Variants in NBAS observed in about 807,000 individuals in gnomAD.
NBAS encodes the protein NAG/BC035112 fusion.
In NBAS, 219 loss-of-function variants were observed where a neutral mutation model predicts 302.5. That is an observed-to-expected ratio of 0.72 (90% CI 0.65 to 0.81). The LOEUF is 0.81. Among genes scored for constraint, NBAS ranks in the 30% least tolerant of loss-of-function variants. The pLI, the probability that NBAS is intolerant of heterozygous loss-of-function variation, is 0.00. For missense variants in NBAS, 2,932 were observed against 2,841.6 expected, an observed-to-expected ratio of 1.03 and a Z score of -0.72; for synonymous variants, 1,118 against 1,021.6, an observed-to-expected ratio of 1.09 and a Z score of -1.80.
chr2:15,476,461 G>A (rs551209763), intron 13 of NBAS, among the ~76,000 whole-genome samples: 323 of 152,180 alleles, frequency 2.1e-3, no homozygotes, highest in Non-Finnish European at 4.0e-3. Context: ...AGTGGTTCAC[G>A]CCTGTAATCC....
At chr2:15,056,027 T>A in the NBAS span, among the ~76,000 whole-genome samples, 2 of 151,966 alleles carry the variant, frequency 1.3e-5, no homozygotes, top group East Asian at 3.9e-4. Context: ...TCAGTCCCTC[T>A]GAATATAATA....
At chr2:15,411,830 A>G (rs1676701783) in intron 25 of NBAS, among the ~76,000 whole-genome samples, 1 of 152,200 alleles carries the variant, frequency 6.6e-6, no homozygotes, top group Admixed American at 6.5e-5. Context: ...CTAAGAAAAA[A>G]TGCACATGGT....
chr2:15,065,918 T>C, the NBAS span, among the ~76,000 whole-genome samples: 1 of 152,094 alleles, frequency 6.6e-6, no homozygotes, highest in Non-Finnish European at 1.5e-5. Context: ...ACAAAATCCC[T>C]GAGTAGCCAA....
the NBAS span, among the ~76,000 whole-genome samples, chr2:14,973,292 A>G: frequency 6.6e-6 from 1 of 152,234 alleles, no homozygotes; most frequent in Non-Finnish European, 1.5e-5. Flanking sequence ...GCTGTATCAG[A>G]TAGACCTTTG....
the NBAS span, among the ~76,000 whole-genome samples, chr2:14,797,568 T>G: frequency 6.6e-6 from 1 of 152,308 alleles, no homozygotes; most frequent in Non-Finnish European, 1.5e-5. Flanking sequence ...TAGGTGCCAC[T>G]GCATCCCCCT....
the NBAS span, among the ~76,000 whole-genome samples, chr2:14,786,189 G>A: frequency 6.6e-6 from 1 of 151,944 alleles, no homozygotes; most frequent in Admixed American, 6.6e-5. Context: ...ATTTTTTATT[G>A]TGTCTGTTTG....
the NBAS span, among the ~76,000 whole-genome samples, chr2:15,130,615 C>T: frequency 3.3e-5 from 5 of 152,250 alleles, no homozygotes; most frequent in Non-Finnish European, 7.3e-5. Context: ...GGCAGGGCCA[C>T]AGGGCCCCCA....
the NBAS span, among the ~76,000 whole-genome samples, chr2:14,935,775 C>T: frequency 6.6e-6 from 1 of 152,184 alleles, no homozygotes; most frequent in East Asian, 1.9e-4. Context: ...CTGCCTCAGC[C>T]TCCTCATCGT....
Position 15,351,576 on chromosome 2 carries a change from G to A in NBAS, c.4179+416C>T, listed in dbSNP as rs527950332. On this transcript the variant is annotated intron_variant, in intron 35 of 51. Coordinates refer to ENST00000281513, the MANE Select transcript of NBAS (RefSeq NM_015909.4). ...ACCTGTAATCCCAGCTACTTGGGAA[G>A]CTGAGGCAGGGGAATTGCTTGAACC... is the stretch of plus-strand genomic sequence containing the variant. Among the ~76,000 whole-genome samples the A allele has an allele frequency of 1.6e-4, 24 of 152,202 alleles. No individual in the cohort carries two copies. The South Asian group carries it at 4.8e-3, about 30-fold the overall frequency.
chr2:15,365,140 G>A (rs1016792157), intron 32 of NBAS, among the ~76,000 whole-genome samples: 4 of 152,196 alleles, frequency 2.6e-5, no homozygotes, highest in African/African-American at 9.6e-5. Context: ...CAGCAGCTAT[G>A]TGTAACAGAA....
intron 12 of NBAS, among the ~76,000 whole-genome samples, chr2:15,487,443 C>T (rs2148609454): frequency 6.6e-6 from 1 of 152,242 alleles, no homozygotes; most frequent in Middle Eastern, 3.4e-3. Flanking sequence ...CCCACCTATA[C>T]AAAAAGTCAC....
chr2:15,138,094 A>T, the NBAS span, among the ~76,000 whole-genome samples: 2 of 152,142 alleles, frequency 1.3e-5, no homozygotes, highest in Non-Finnish European at 2.9e-5. Context: ...TCCTGCATAG[A>T]CAGACCTAAC....
chr2:14,942,040 A>C, the NBAS span, among the ~76,000 whole-genome samples: 1 of 152,220 alleles, frequency 6.6e-6, no homozygotes, highest in Non-Finnish European at 1.5e-5. Flanking sequence ...AAATTGAGAC[A>C]CGATGGTTCT....
intron 45 of NBAS, among the ~76,000 whole-genome samples, chr2:15,237,415 C>T (rs1667642891): frequency 6.6e-6 from 1 of 151,680 alleles, no homozygotes; most frequent in Non-Finnish European, 1.5e-5. Context: ...CAAAAAATTC[C>T]TCTCAATAAT....
At chr2:15,300,313 T>C (rs1238005551) in intron 40 of NBAS, among the ~76,000 whole-genome samples, 1 of 152,200 alleles carries the variant, frequency 6.6e-6, no homozygotes, top group Non-Finnish European at 1.5e-5. Flanking sequence ...TCACTGGGTG[T>C]TATTATGTGC....
At chr2:15,012,030 A>G in the NBAS span, among the ~76,000 whole-genome samples, 6 of 152,168 alleles carry the variant, frequency 3.9e-5, no homozygotes, top group East Asian at 1.9e-4. Context: ...GAAACATGAC[A>G]CCTCCAAAGG....
chr2:15,040,000 C>T, the NBAS span, among the ~76,000 whole-genome samples: 32 of 152,280 alleles, frequency 2.1e-4, no homozygotes, highest in African/African-American at 7.7e-4. Context: ...TCCATCTTCC[C>T]CGTCTCCAGA....
intron 26 of NBAS, among the ~76,000 whole-genome samples, chr2:15,398,090 CGT>C (rs201218082): frequency 9.4e-5 from 14 of 149,662 alleles, no homozygotes; most frequent in African/African-American, 9.8e-5. Flanking sequence ...CTCAGTCAGC[CGT>C]GTGTGTGTGT....
At chr2:15,189,166 G>A (rs1665225258) in intron 49 of NBAS, among the ~76,000 whole-genome samples, 2 of 152,150 alleles carry the variant, frequency 1.3e-5, no homozygotes, top group Admixed American at 1.3e-4. Context: ...AATAGTGAAG[G>A]TAAAAACCTG....
Sources: allele counts gnomAD v4.1 joint callset (sites outside exome capture counted in the v4.1 genomes callset), GRCh38; gene constraint gnomAD v4.1.1; transcripts MANE v1.5; gene names NCBI Gene and HGNC (gene_info 2026-07-23, HGNC 2026-07-21).